Variants in THSD7A observed in about 807,000 individuals in gnomAD.
THSD7A encodes thrombospondin type-1 domain-containing protein 7A.
In THSD7A, 96 loss-of-function variants were observed where a neutral mutation model predicts 231.3. That is an observed-to-expected ratio of 0.41 (90% CI 0.35 to 0.49). THSD7A has a LOEUF of 0.49. Among genes scored for constraint, THSD7A ranks in the 20% least tolerant of loss-of-function variants. The pLI is 0.05. For synonymous variants in THSD7A, 940 were observed against 743.3 expected (o/e 1.26, Z -4.30); for missense variants, 2,290 against 2,070.2 (o/e 1.11, Z -2.06).
At chr7:11,661,767 A>T (rs997203511) in intron 1 of THSD7A, among the ~76,000 whole-genome samples, 5 of 151,308 alleles carry the variant, frequency 3.3e-5, no homozygotes, top group African/African-American at 9.7e-5. Context: ...CTGAACAGGT[A>T]AATCCCAGTG....
In THSD7A at chr7:11,636,152, T is replaced by A. The variant is rs1004239355; in HGVS notation, c.1000A>T (p.Thr334Ser). ...TACCTTAAATCAGCAGCTTTCCCCG[T>A]CTTGTTAATGCACATAACCTCTCTG... ...QTREVMCINKTGKAADLSFCQ... is the reference protein window; with the variant it reads ...QTREVMCINKSGKAADLSFCQ... The change falls in exon 2 of 28, where the codon ACG (threonine) becomes TCG (serine). Residue 334 changes from threonine to serine, a missense_variant. Transcript: ENST00000423059. This position sits in a 1 kb window ranked among gnomAD's most constrained non-coding sequence, Gnocchi z 10.0. 3 of 1,611,608 alleles carry A rather than the reference T, an allele frequency of 1.9e-6. No homozygotes were observed. The highest frequency in any genetic ancestry group is 2.2e-5 in the South Asian group (2 of 90,698).
At chr7:11,476,530 G>A (rs1034723176) in intron 7 of THSD7A, among the ~76,000 whole-genome samples, 13 of 152,086 alleles carry the variant, frequency 8.5e-5, no homozygotes, top group Non-Finnish European at 1.5e-4. Context: ...AGATTGTGTA[G>A]AAAGCACCAG....
intron 1 of THSD7A, among the ~76,000 whole-genome samples, chr7:11,660,920 C>G (rs1782904196): frequency 6.6e-6 from 1 of 151,386 alleles, no homozygotes; most frequent in East Asian, 1.9e-4. Flanking sequence ...ATTAATGCAG[C>G]AAGGACTCGA....
chr7:11,403,278 A>G (rs1783471389), intron 22 of THSD7A, among the ~76,000 whole-genome samples: 1 of 152,200 alleles, frequency 6.6e-6, no homozygotes, highest in Non-Finnish European at 1.5e-5. Context: ...TTCTTGTGTC[A>G]TGCCTAAGAA....
chr7:11,731,986 A>G (rs1781752196), intron 1 of THSD7A, among the ~76,000 whole-genome samples: 1 of 151,712 alleles, frequency 6.6e-6, no homozygotes, highest in African/African-American at 2.4e-5. Context: ...TATGTGTTCC[A>G]GGCATTTTAG....
chr7:11,379,614 A>T lies in THSD7A; in HGVS notation c.4590+16T>A. Reference sequence around the variant, plus strand: ...TGATGGAGCTGGCTTGTCTGCCCTGATGAATTTTCACATACCTCGCTACAG... The same window carrying T: ...TGATGGAGCTGGCTTGTCTGCCCTGTTGAATTTTCACATACCTCGCTACAG... On this transcript the variant is annotated intron_variant, in intron 25 of 27. Transcript: ENST00000423059. The T allele has an allele frequency of 6.4e-7, 1 of 1,568,602 alleles. No individual in the cohort carries two copies. Among genetic ancestry groups the T allele is most frequent in the African/African-American group, 1.4e-5 (1 of 73,986 alleles).
chr7:11,637,067 C>A lies in THSD7A; in HGVS notation c.191-106G>T, dbSNP rs2074597. The A allele has an allele frequency of 0.22, 229,490 of 1,045,734 alleles. 29,847 individuals carry two copies. Among genetic ancestry groups the A allele is most frequent in the East Asian group, 0.48 (19,449 of 40,430 alleles). 64.8% of individuals were successfully genotyped at this position (1,045,734 alleles called of 1,614,324 possible). A position where few individuals can be genotyped will look rare whatever the true frequency, so the allele number is the denominator to read the frequency against. ...AAGACCTAGTACATTAACTTCCCTG[C>A]GGTGTTACAAAGTAGGTCTCTGGAC... On this transcript the variant is annotated intron_variant, in intron 1 of 27. Transcript: ENST00000423059. The surrounding 1 kb of genome is among the most constrained non-coding windows in gnomAD (Gnocchi z 4.2).
chr7:11,421,558 A>AT (rs1167030342), intron 16 of THSD7A, among the ~76,000 whole-genome samples: 2 of 151,952 alleles, frequency 1.3e-5, no homozygotes, highest in Non-Finnish European at 2.9e-5. Context: ...TCTTCCTTTT[A>AT]TTTTTTTGTT....
chr7:11,700,752 C>A (rs1458759514), intron 1 of THSD7A, among the ~76,000 whole-genome samples: 1 of 151,120 alleles, frequency 6.6e-6, no homozygotes, highest in Non-Finnish European at 1.5e-5. Context: ...ATTGCTCTTG[C>A]TCTTATTGCC....
intron 1 of THSD7A, among the ~76,000 whole-genome samples, chr7:11,647,996 G>A (rs765242255): frequency 6.6e-6 from 1 of 152,058 alleles, no homozygotes; most frequent in African/African-American, 2.4e-5. Flanking sequence ...GCTGCCTGAT[G>A]GGCATTAACA....
In THSD7A at chr7:11,558,960, G is replaced by C. The variant is rs117437233; in HGVS notation, c.1454-15843C>G. Among the ~76,000 whole-genome samples the C allele has an allele frequency of 7.5e-3, 1,060 of 141,462 alleles. 8 individuals are homozygous for C. Among genetic ancestry groups the C allele is most frequent in the Non-Finnish European group, 0.011 (712 of 64,278 alleles). 92.8% of individuals were successfully genotyped at this position (141,462 alleles called of 152,430 possible). On this transcript the variant is annotated intron_variant, in intron 4 of 27. Coordinates refer to ENST00000423059, the MANE Select transcript of THSD7A (RefSeq NM_015204.3). ...AAAAGGAGAGAAGCTTCTCGAGTGC[G>C]TTAGAAAGATGAGATGGAAGAAAAA...
chr7:11,760,983 T>TA (rs890735529), intron 1 of THSD7A, among the ~76,000 whole-genome samples: 1 of 148,328 alleles, frequency 6.7e-6, no homozygotes, highest in Admixed American at 6.8e-5. Flanking sequence ...TATTTATATA[T>TA]AATTATAATT....
intron 1 of THSD7A, among the ~76,000 whole-genome samples, chr7:11,748,323 T>C (rs1678449545): frequency 6.6e-6 from 1 of 151,944 alleles, no homozygotes; most frequent in African/African-American, 2.4e-5. Flanking sequence ...ATGAGGTTTG[T>C]TGTAAATAAA....
chr7:11,606,967 C>A (rs1042756319), intron 2 of THSD7A, among the ~76,000 whole-genome samples: 2 of 151,638 alleles, frequency 1.3e-5, no homozygotes, highest in Non-Finnish European at 2.9e-5. Context: ...TGTAACAAAC[C>A]TGCATGTTGT....
intron 1 of THSD7A, among the ~76,000 whole-genome samples, chr7:11,721,538 T>G (rs748020451): frequency 0.15 from 22,656 of 151,628 alleles, 1,841 homozygotes; most frequent in Admixed American, 0.19. Context: ...CAATAAAACC[T>G]CTTTTCTTCA....
rs1783777351 is a variant in THSD7A at position 11,411,309 on chromosome 7, A to T, written c.3696T>A (p.Cys1232Ter). The T allele has an allele frequency of 6.2e-7, 1 of 1,613,302 alleles. No individual in the cohort carries two copies. The highest frequency in any genetic ancestry group is 8.5e-7 in the Non-Finnish European group (1 of 1,179,424). ...YDYNVTDWST[C>*]QLSEKAVCGN... ...CACAAACTGCCTTCTCACTCAGCTG[A>T]CATGTACTCCAGTCTGAAAAAAAGG... The change falls in exon 19 of 28, where the codon TGT becomes TGA. Residue 1232 changes from cysteine (C) to a stop codon, truncating the protein, a stop_gained. Coordinates refer to ENST00000423059, the MANE Select transcript of THSD7A (RefSeq NM_015204.3). LOFTEE classifies it high-confidence loss of function. The surrounding 1 kb of genome is among the most constrained non-coding windows in gnomAD (Gnocchi z 4.1).
At chr7:11,416,442 T>A (rs1011417543) in intron 17 of THSD7A, among the ~76,000 whole-genome samples, 2 of 152,250 alleles carry the variant, frequency 1.3e-5, no homozygotes, top group Admixed American at 1.3e-4. Context: ...TAACTTCAAA[T>A]CTGATCCTTT....
intron 1 of THSD7A, chr7:11,820,760 G>C: frequency 8.3e-7 from 1 of 1,210,418 alleles, no homozygotes; most frequent in South Asian, 1.2e-5. Flanking sequence ...TGCTTTGTAG[G>C]AGTGAGATGA....
At chr7:11,762,651 C>T (rs1480445801) in intron 1 of THSD7A, among the ~76,000 whole-genome samples, 1 of 152,056 alleles carries the variant, frequency 6.6e-6, no homozygotes, top group South Asian at 2.1e-4. Context: ...TTGTTAGATA[C>T]ATAGTTTGCA....
Sources: allele counts gnomAD v4.1 joint callset (sites outside exome capture counted in the v4.1 genomes callset), GRCh38; gene constraint gnomAD v4.1.1; non-coding constraint Gnocchi (gnomAD v3.1); transcripts MANE v1.5; gene names NCBI Gene and HGNC (gene_info 2026-07-23, HGNC 2026-07-21).